DUSP29: variants seen among roughly 807,000 people sequenced by gnomAD.
The protein encoded by DUSP29 is atypical dual-specific protein phosphatase.
DUSP29 carries 12 observed loss-of-function variants against 13.5 expected under a neutral mutation model. That is an observed-to-expected ratio of 0.89 (90% confidence interval 0.57 to 1.44). The LOEUF (loss-of-function observed/expected upper bound fraction) is 1.44, where lower values mean the gene tolerates loss of function less well. Ranked by LOEUF, DUSP29 falls within the 40% of genes most tolerant of loss-of-function variation. The probability of loss-of-function intolerance (pLI) is 0.00; values close to 1 mark genes in which losing one functional copy is unlikely to be tolerated. For missense variants in DUSP29, 308 were observed against 301.1 expected (o/e 1.02, Z -0.17); for synonymous variants, 134 against 128.7 (o/e 1.04, Z -0.28).
At position 75,038,034 on chromosome 10, in the gene DUSP29, G is replaced by T; in HGVS notation, c.465C>A (p.Ala155=). The part of the protein sequence containing the change: ...VHCVMGRSRS[A]TLVLAYLMIH... ...TCATCAGGTAGGCCAGGACCAGGGT[G>T]GCTGACCGGCTGCGGCCCATGACGC... The change falls in exon 4 of 4, where the codon GCC becomes GCA. Residue 155 remains alanine, a synonymous_variant. Transcript: ENST00000338487. The T allele has an allele frequency of 2.5e-6, 4 of 1,613,856 alleles. No individual in the cohort carries two copies. Among genetic ancestry groups the T allele is most frequent in the Non-Finnish European group, 3.4e-6 (4 of 1,180,010 alleles).
intron 1 of DUSP29, among the ~76,000 whole-genome samples, chr10:75,064,312 A>G (rs746425173): frequency 1.6e-4 from 25 of 152,154 alleles, no homozygotes; most frequent in Admixed American, 5.9e-4. Context: ...GATCGAGACT[A>G]TCCTGGCCAA....
intron 1 of DUSP29, among the ~76,000 whole-genome samples, chr10:75,066,943 CTTT>C: frequency 7.0e-6 from 1 of 143,398 alleles, no homozygotes; most frequent in East Asian, 2.2e-4. Flanking sequence ...TTTCTTTTTT[CTTT>C]TTTTTCTTTT....
chr10:75,058,214 C>A, intron 2 of DUSP29, 101 bp downstream of exon 2: 1 of 1,389,208 alleles, frequency 7.2e-7, no homozygotes, highest in Admixed American at 2.4e-5. Context: ...TCTCACAGAA[C>A]GACTACAAAT....
rs567022029 is a variant in DUSP29 at position 75,067,267 on chromosome 10, CTT to C, written c.-35+6300_-35+6301del. Among the ~76,000 whole-genome samples the C allele has an allele frequency of 2.3e-4, 35 of 152,172 alleles. 1 individual carries two copies. The South Asian group carries it at 7.1e-3, about 31-fold the overall frequency. On this transcript the variant is annotated intron_variant, in intron 1 of 3. Coordinates refer to ENST00000338487, the MANE Select transcript of DUSP29 (RefSeq NM_001003892.3). Reference sequence around the variant, plus strand: ...GAGCCACTGCACCCGGCCTGAATTTCTTTAAGTAAAAGAAAACCAAACAGGTA... The same window carrying C: ...GAGCCACTGCACCCGGCCTGAATTTCTAAGTAAAAGAAAACCAAACAGGTA...
intron 3 of DUSP29, among the ~76,000 whole-genome samples, chr10:75,043,129 C>T (rs929237762): frequency 7.2e-5 from 11 of 152,240 alleles, no homozygotes; most frequent in African/African-American, 2.7e-4. Flanking sequence ...GGGTGCAAAA[C>T]CCAAATTATA....
At chr10:75,047,524 CA>C (rs1846731581) in intron 2 of DUSP29, among the ~76,000 whole-genome samples, 1 of 152,178 alleles carries the variant, frequency 6.6e-6, no homozygotes, top group African/African-American at 2.4e-5. Context: ...CTAAGAAACA[CA>C]GGGGCATTTT....
chr10:75,058,296 C>A lies in DUSP29; in HGVS notation c.200+19G>T. 1 of 1,601,402 alleles carries A rather than the reference C, an allele frequency of 6.2e-7. No homozygotes were observed. On this transcript the variant is annotated intron_variant, in intron 2 of 3. Transcript: ENST00000338487. Reference sequence around the variant, plus strand: ...GGGCTGCTGCCTGCTCCCAAGCGAGCCTGGGCCTGGGCACTTACTCATCGC... The same window carrying A: ...GGGCTGCTGCCTGCTCCCAAGCGAGACTGGGCCTGGGCACTTACTCATCGC...
intron 2 of DUSP29, among the ~76,000 whole-genome samples, chr10:75,051,253 T>TA (rs1846822366): frequency 6.6e-6 from 1 of 152,248 alleles, no homozygotes. Flanking sequence ...GACTGTGCTT[T>TA]ACCTTCCTCA....
chr10:75,064,430 C>T (rs1847153563), intron 1 of DUSP29, among the ~76,000 whole-genome samples: 1 of 152,148 alleles, frequency 6.6e-6, no homozygotes, highest in East Asian at 1.9e-4. Context: ...ATTGCTTGAA[C>T]CTGGGAGGCA....
chr10:75,043,947 G>A lies in DUSP29; in HGVS notation c.271C>T (p.Arg91Cys). The A allele has an allele frequency of 6.2e-7, 1 of 1,613,584 alleles. No individual in the cohort carries two copies. Among genetic ancestry groups the A allele is most frequent in the Non-Finnish European group, 8.5e-7 (1 of 1,179,936 alleles). The change falls in exon 3 of 4, where the codon CGC (arginine) becomes TGC (cysteine). Residue 91 changes from arginine to cysteine, a missense_variant. Arg to Cys is a radical substitution (Grantham distance 180, BLOSUM62 -3). Transcript: ENST00000338487. ...FTHVLNAAHGRWNVDTGPDYY... is the reference protein window; with the variant it reads ...FTHVLNAAHGCWNVDTGPDYY... ...TCGGGCCCAGTGTCCACGTTCCAGC[G>A]GCCGTGGGCCGCGTTCAGCACGTGC...
At chr10:75,042,623 AAAT>A (rs1349764980) in intron 3 of DUSP29, among the ~76,000 whole-genome samples, 1 of 152,258 alleles carries the variant, frequency 6.6e-6, no homozygotes, top group Non-Finnish European at 1.5e-5. Context: ...TTCTGAGCCA[AAAT>A]AATGACAAAT....
Position 75,058,468 on chromosome 10 carries a change from G to A in DUSP29, c.47C>T (p.Ser16Phe). 6.2e-7 allele frequency: 1 copy of A among 1,614,248 alleles called. No homozygotes were observed. The change falls in exon 2 of 4, where the codon TCT becomes TTT. Residue 16 changes from serine to phenylalanine, a missense_variant. Physicochemically the swap from Ser to Phe is radical, Grantham distance 155. Transcript: ENST00000338487. ...VKTSLKNAYSSAKRLSPKMEE... is the reference protein window; with the variant it reads ...VKTSLKNAYSFAKRLSPKMEE... ...CATCTTCGGCGACAGCCTCTTGGCA[G>A]ATGAGTAGGCATTCTTGAGGCTTGT...
At chr10:75,039,490 G>A (rs540232109) in intron 3 of DUSP29, among the ~76,000 whole-genome samples, 52 of 152,064 alleles carry the variant, frequency 3.4e-4, no homozygotes, top group Admixed American at 7.2e-4. Context: ...CACTCCAGCC[G>A]GGGCGACAGA....
intron 1 of DUSP29, among the ~76,000 whole-genome samples, chr10:75,066,404 G>A (rs1322194823): frequency 1.3e-5 from 2 of 152,166 alleles, no homozygotes; most frequent in Non-Finnish European, 2.9e-5. Context: ...AAGGGAAAGA[G>A]GCTGGCGCTG....
At chr10:75,069,246 C>T (rs1278677943) in intron 1 of DUSP29, among the ~76,000 whole-genome samples, 1 of 152,190 alleles carries the variant, frequency 6.6e-6, no homozygotes, top group Non-Finnish European at 1.5e-5. Flanking sequence ...GGAGGCCACA[C>T]TCAGCTTCCT....
At chr10:75,053,271 G>C (rs1333224395) in intron 2 of DUSP29, among the ~76,000 whole-genome samples, 1 of 152,146 alleles carries the variant, frequency 6.6e-6, no homozygotes, top group African/African-American at 2.4e-5. Flanking sequence ...GAATCTCCCT[G>C]CTTTTCTCAC....
intron 2 of DUSP29, among the ~76,000 whole-genome samples, chr10:75,053,062 T>C (rs1310199426): frequency 1.3e-5 from 2 of 152,226 alleles, no homozygotes; most frequent in Admixed American, 6.5e-5. Flanking sequence ...TAGAGTAAAG[T>C]GGCCGGGAGC....
chr10:75,043,807 G>T lies in DUSP29; in HGVS notation c.411C>A (p.Ser137Arg). 1 of 1,612,888 alleles carries T rather than the reference G, an allele frequency of 6.2e-7. No homozygotes were observed. The highest frequency in any genetic ancestry group is 8.5e-7 in the Non-Finnish European group (1 of 1,179,860). The change falls in exon 3 of 4, where the codon AGC (serine) becomes AGA (arginine). Residue 137 changes from serine (S) to arginine (R), a missense_variant. By Grantham distance (110) the Ser-to-Arg change is moderately radical. Transcript: ENST00000338487. ...PAAAFIDRAL[S>R]DDHSKILVHC... ...CCGCGGGTCTCTTACTGTGGTCGTC[G>T]CTTAGCGCTCTGTCGATGAAGGCTG... is the stretch of plus-strand genomic sequence containing the variant.
chr10:75,063,166 G>T (rs754645719), intron 1 of DUSP29, among the ~76,000 whole-genome samples: 16 of 152,196 alleles, frequency 1.1e-4, no homozygotes, highest in Non-Finnish European at 1.5e-4. Flanking sequence ...CCATTAAGGG[G>T]GCAGCAGCTT....
Sources: allele counts gnomAD v4.1 joint callset (sites outside exome capture counted in the v4.1 genomes callset), GRCh38; gene constraint gnomAD v4.1.1; transcripts MANE v1.5; gene names NCBI Gene and HGNC (gene_info 2026-07-23, HGNC 2026-07-21).